The following OR10AG1 variants were observed in gnomAD, a reference collection of about 807,000 sequenced individuals.
The protein encoded by OR10AG1 is olfactory receptor 10AG1.
For missense variants in OR10AG1, 433 were observed against 376.5 expected (o/e 1.15, Z -1.24); for synonymous variants, 147 against 128.6 (o/e 1.14, Z -0.97).
chr11:55,968,567 C>G, intron 1 of OR10AG1, 60 bp from the exon 2 acceptor site: 1 of 713,824 alleles, frequency 1.4e-6, no homozygotes, highest in East Asian at 2.6e-5. Context: ...ATATTTTCCT[C>G]TTGGGTTAAC....
At chr11:55,969,378 G>T (rs1852722425) in intron 1 of OR10AG1, among the ~76,000 whole-genome samples, 2 of 151,712 alleles carry the variant, frequency 1.3e-5, no homozygotes, top group African/African-American at 4.8e-5. Flanking sequence ...CATATAAATG[G>T]GACCAAAAAA....
chr11:55,967,136 C>A lies in OR10AG1; in HGVS notation c.*422G>T. 1 of 153,808 alleles carries A rather than the reference C, an allele frequency of 6.5e-6. No individual in the cohort carries two copies. Among genetic ancestry groups the A allele is most frequent in the Non-Finnish European group, 1.4e-5 (1 of 69,260 alleles). The allele number at this position is 153,808 out of a possible 1,614,324, so 9.5% of individuals were successfully genotyped here. On this transcript the variant is annotated 3_prime_UTR_variant, in exon 2 of 2. Transcript: ENST00000641071. ...AAAATCCCATATCCTTTGTTTCCACCATCTTAGCTATTTTTGGTGTTTCTA... is the reference window on the plus strand; with the variant it reads ...AAAATCCCATATCCTTTGTTTCCACAATCTTAGCTATTTTTGGTGTTTCTA...
rs895404782 is a variant in OR10AG1, at chr11:55,966,051, C to T, written c.*1507G>A. ...TTTCTTCAATTGAGCAGTTCTGAGACATTATCTTGAGAGGCTGTGCATTAC... is the reference window on the plus strand; with the variant it reads ...TTTCTTCAATTGAGCAGTTCTGAGATATTATCTTGAGAGGCTGTGCATTAC... On this transcript the variant is annotated 3_prime_UTR_variant, in exon 2 of 2. Coordinates refer to ENST00000641071, the MANE Select transcript of OR10AG1 (RefSeq NM_001005491.2). 1 of 151,878 alleles carries T rather than the reference C, an allele frequency of 6.6e-6. No homozygotes were observed. The highest frequency in any genetic ancestry group is 1.5e-5 in the Non-Finnish European group (1 of 67,958). 9.4% of individuals were successfully genotyped at this position (151,878 alleles called of 1,614,324 possible).
Position 55,967,650 on chromosome 11 carries a change from G to A in OR10AG1, c.874C>T (p.Leu292=), listed in dbSNP as rs1852700832. The change falls in exon 2 of 2, where the codon CTG becomes TTG. Residue 292 remains leucine (L), a synonymous_variant. Transcript: ENST00000641071. ...GKLISLFYTI[L]IPTLNPIIYT... is the part of the protein sequence containing the mutation. ...ATAATAGGATTCAAAGTTGGAATCA[G>A]AATGGTGTAGAAAAGAGAAATCAGT... 5 of 1,612,600 alleles carry A rather than the reference G, an allele frequency of 3.1e-6. No homozygotes were observed. Among genetic ancestry groups the A allele is most frequent in the African/African-American group, 1.3e-5 (1 of 74,762 alleles).
Position 55,966,452 on chromosome 11 carries a change from G to A in OR10AG1, c.*1106C>T, listed in dbSNP as rs1426617804. On this transcript the variant is annotated 3_prime_UTR_variant, in exon 2 of 2. Transcript: ENST00000641071. ...ACTTAAATAAGAGGACAATTTGTGTGATATATTATTTCCCCTGGTTTATCT... is the reference window on the plus strand; with the variant it reads ...ACTTAAATAAGAGGACAATTTGTGTAATATATTATTTCCCCTGGTTTATCT... 2 of 151,916 alleles carry A rather than the reference G, an allele frequency of 1.3e-5. No homozygotes were observed. The highest frequency in any genetic ancestry group is 4.8e-5 in the African/African-American group (2 of 41,300). 9.4% of individuals were successfully genotyped at this position (151,916 alleles called of 1,614,324 possible).
At chr11:55,969,600 G>A (rs980959923) in intron 1 of OR10AG1, among the ~76,000 whole-genome samples, 2 of 152,060 alleles carry the variant, frequency 1.3e-5, no homozygotes, top group Non-Finnish European at 2.9e-5. Context: ...TTAATACGTT[G>A]ATAAATGAAA....
intron 1 of OR10AG1, among the ~76,000 whole-genome samples, chr11:55,969,273 T>C (rs1212091045): frequency 6.6e-6 from 1 of 152,074 alleles, no homozygotes; most frequent in Non-Finnish European, 1.5e-5. Context: ...TACAATTCCT[T>C]CTCTCTATTT....
In OR10AG1 at chr11:55,967,475, T is replaced by C. The variant is rs1205175591; in HGVS notation, c.*83A>G. On this transcript the variant is annotated 3_prime_UTR_variant, in exon 2 of 2. Coordinates refer to ENST00000641071, the MANE Select transcript of OR10AG1 (RefSeq NM_001005491.2). ...TTTCAGTACTCATTATTGAATACCATAGGGACAAAGTTAAAAAAAAATTCA... is the reference window on the plus strand; with the variant it reads ...TTTCAGTACTCATTATTGAATACCACAGGGACAAAGTTAAAAAAAAATTCA... The C allele has an allele frequency of 5.0e-6, 4 of 793,832 alleles. No homozygotes were observed. Among genetic ancestry groups the C allele is most frequent in the Non-Finnish European group, 8.2e-6 (4 of 490,036 alleles). 49.2% of individuals were successfully genotyped at this position (793,832 alleles called of 1,614,324 possible).
In OR10AG1 at chr11:55,968,787, A is replaced by C. The variant is rs150371671; in HGVS notation, c.17-280T>G. Among the ~76,000 whole-genome samples, 95 of 152,246 alleles carry C rather than the reference A, an allele frequency of 6.2e-4. No individual in the cohort carries two copies. In the East Asian group the frequency reaches 0.017, roughly 27 times the overall value. On this transcript the variant is annotated intron_variant, in intron 1 of 1. Transcript: ENST00000641071. The stretch of plus-strand genomic sequence containing the variant: ...AAATATTATGGAGGAATAACATCTT[A>C]TTATTTCACACTTAAGAGTAGAGTT...
At position 55,968,461 on chromosome 11, in the gene OR10AG1, C is replaced by T. The variant is rs1483928442; in HGVS notation, c.63G>A (p.Met21Ile). The change falls in exon 2 of 2, where the codon ATG (methionine) becomes ATA (isoleucine). Residue 21 changes from methionine (M) to isoleucine (I), a missense_variant. Physicochemically the swap from Met to Ile is conservative, Grantham distance 10. Coordinates refer to ENST00000641071, the MANE Select transcript of OR10AG1 (RefSeq NM_001005491.2). ...KREKSNVTTI[M>I]EFVLLGFSDI... is the part of the protein sequence containing the mutation. The stretch of plus-strand genomic sequence containing the variant: ...CAGAAAACCCCAAAAGAACAAATTC[C>T]ATTATTGTAGTCACATTTGATTTTT... 5 of 1,544,560 alleles carry T rather than the reference C, an allele frequency of 3.2e-6. No homozygotes were observed. The highest frequency in any genetic ancestry group is 1.4e-5 in the African/African-American group (1 of 71,926).
chr11:55,967,667 G>C lies in OR10AG1; in HGVS notation c.857C>G (p.Ser286Cys). Residue 286 changes from serine (S) to cysteine (C), a missense_variant, in exon 2 of 2, where the codon TCT becomes TGT. Ser to Cys is a moderately radical substitution (Grantham distance 112). Transcript: ENST00000641071. ...HQFQRMGKLI[S>C]LFYTILIPTL... ...TGGAATCAGAATGGTGTAGAAAAGA[G>C]AAATCAGTTTCCCCATCCTTTGAAA... is the stretch of plus-strand genomic sequence containing the variant. The C allele has an allele frequency of 6.2e-7, 1 of 1,613,342 alleles. No individual in the cohort carries two copies. Among genetic ancestry groups the C allele is most frequent in the Non-Finnish European group, 8.5e-7 (1 of 1,179,352 alleles).
chr11:55,968,429 G>A lies in OR10AG1; in HGVS notation c.95C>T (p.Pro32Leu). Reference protein sequence around the residue: ...EFVLLGFSDIPNLHWMLFSIF... With the variant: ...EFVLLGFSDILNLHWMLFSIF... ...ACTAAAAAGCATCCAGTGGAGATTG[G>A]GAATATCAGAAAACCCCAAAAGAAC... Residue 32 changes from proline to leucine, a missense_variant, in exon 2 of 2, where the codon CCC becomes CTC. By Grantham distance (98) the Pro-to-Leu change is moderately conservative. Transcript: ENST00000641071. 6.4e-7 allele frequency: 1 copy of A among 1,567,464 alleles called. No homozygotes were observed. Among genetic ancestry groups the A allele is most frequent in the Non-Finnish European group, 8.6e-7 (1 of 1,158,462 alleles).
In OR10AG1 at chr11:55,966,355, G is replaced by A. The variant is rs1175749691; in HGVS notation, c.*1203C>T. On this transcript the variant is annotated 3_prime_UTR_variant, in exon 2 of 2. Transcript: ENST00000641071. ...GCATGCAACAATTGAAGGGTAGGGT[G>A]GAATGGCATATCAGCTGAATCAGCT... 6.6e-6 allele frequency: 1 copy of A among 150,932 alleles called. No homozygotes were observed. The highest frequency in any genetic ancestry group is 1.5e-5 in the Non-Finnish European group (1 of 67,870). 9.3% of individuals were successfully genotyped at this position (150,932 alleles called of 1,614,324 possible). A position where few individuals can be genotyped will look rare whatever the true frequency, so the allele number is the denominator to read the frequency against.
chr11:55,968,677 T>C (rs1266800888), intron 1 of OR10AG1, among the ~76,000 whole-genome samples, 170 bp from the exon 2 acceptor site: 2 of 152,138 alleles, frequency 1.3e-5, no homozygotes, highest in Non-Finnish European at 2.9e-5. Context: ...TTAAAATCAA[T>C]TTAAGAAATG....
Position 55,967,513 on chromosome 11 carries a change from G to T in OR10AG1, c.*45C>A. ...AAAAAAAAATTCACTGAAGCCACAT[G>T]ACAAACCTATAAAGAAATTATTTCT... On this transcript the variant is annotated 3_prime_UTR_variant, in exon 2 of 2. Coordinates refer to ENST00000641071, the MANE Select transcript of OR10AG1 (RefSeq NM_001005491.2). 1.5e-6 allele frequency: 2 copies of T among 1,307,186 alleles called. No homozygotes were observed. The highest frequency in any genetic ancestry group is 1.4e-5 in the South Asian group (1 of 71,004). The allele number at this position is 1,307,186 out of a possible 1,614,324, so 81.0% of individuals were successfully genotyped here. A position where few individuals can be genotyped will look rare whatever the true frequency, so the allele number is the denominator to read the frequency against.
intron 1 of OR10AG1, among the ~76,000 whole-genome samples, chr11:55,969,682 C>T (rs1313092101): frequency 6.6e-6 from 1 of 152,080 alleles, no homozygotes; most frequent in Non-Finnish European, 1.5e-5. Context: ...CCTTAAATGA[C>T]TTTTCATCAC....
rs958072171 is a variant in OR10AG1, at chr11:55,969,931, A to C, written c.-24T>G. ...ATGAAGCTGTCTGTACAGACTTTTT[A>C]AGCTCTTCCTTTTCTCGGGAACTGT... On this transcript the variant is annotated 5_prime_UTR_variant, in exon 1 of 2. Coordinates refer to ENST00000641071, the MANE Select transcript of OR10AG1 (RefSeq NM_001005491.2). 5.0e-6 allele frequency: 2 copies of C among 398,120 alleles called. No individual in the cohort carries two copies. Among genetic ancestry groups the C allele is most frequent in the African/African-American group, 4.1e-5 (2 of 48,540 alleles). 24.7% of individuals were successfully genotyped at this position (398,120 alleles called of 1,614,324 possible). A position where few individuals can be genotyped will look rare whatever the true frequency, so the allele number is the denominator to read the frequency against.
At chr11:55,969,023 T>C (rs896554173) in intron 1 of OR10AG1, among the ~76,000 whole-genome samples, 5 of 152,114 alleles carry the variant, frequency 3.3e-5, no homozygotes, top group Non-Finnish European at 7.4e-5. Context: ...ACATGCATTA[T>C]TGTTGCTCTA....
Position 55,968,288 on chromosome 11 carries a change from A to C in OR10AG1, c.236T>G (p.Leu79Arg). 1 of 1,613,828 alleles carries C rather than the reference A, an allele frequency of 6.2e-7. No individual in the cohort carries two copies. The highest frequency in any genetic ancestry group is 8.5e-7 in the Non-Finnish European group (1 of 1,179,772). Reference protein sequence around the residue: ...PMYFFLSNFSLLEICYVTIII... With the variant: ...PMYFFLSNFSRLEICYVTIII... The stretch of plus-strand genomic sequence containing the variant: ...GATTGTTACATAACAGATTTCCAAA[A>C]GGGAAAAATTGCTAAGAAAAAAATA... Residue 79 changes from leucine to arginine, a missense_variant, in exon 2 of 2, where the codon CTT (leucine) becomes CGT (arginine). Leu to Arg is a moderately radical substitution (Grantham distance 102, BLOSUM62 -2). Coordinates refer to ENST00000641071, the MANE Select transcript of OR10AG1 (RefSeq NM_001005491.2).
Sources: gnomAD v4.1 joint callset for allele counts (sites outside exome capture counted in the v4.1 genomes callset) on GRCh38, gnomAD v4.1.1 for gene constraint, MANE v1.5 for transcripts, NCBI Gene and HGNC (gene_info 2026-07-23, HGNC 2026-07-21) for gene names.